Variants in OPTN observed in about 807,000 individuals in gnomAD.
OPTN encodes the protein E3-14.7K-interacting protein.
Under a neutral mutation model 70.4 loss-of-function variants are expected in OPTN, and 54 were observed. That is an observed-to-expected ratio of 0.77 (90% CI 0.62 to 0.96). The LOEUF (loss-of-function observed/expected upper bound fraction) is 0.96. OPTN is among the 40% of genes least tolerant of loss of function. The pLI is 0.00. For missense variants in OPTN, 624 were observed against 673.2 expected (o/e 0.93, Z 0.81); for synonymous variants, 256 against 248.5 (o/e 1.03, Z -0.28).
At chr10:13,103,894 T>G (rs1832804008) in intron 1 of OPTN, among the ~76,000 whole-genome samples, 1 of 152,226 alleles carries the variant, frequency 6.6e-6, no homozygotes, top group Non-Finnish European at 1.5e-5. Context: ...CTCAATTAAT[T>G]CATCCTTCCA....
At chr10:13,123,456 A>G (rs1833395932) in intron 8 of OPTN, among the ~76,000 whole-genome samples, 1 of 152,266 alleles carries the variant, frequency 6.6e-6, no homozygotes, top group Non-Finnish European at 1.5e-5. Context: ...AAAACAGATG[A>G]AGAGACCACC....
chr10:13,114,714 T>TA (rs1404040439), intron 5 of OPTN, among the ~76,000 whole-genome samples: 6 of 136,100 alleles, frequency 4.4e-5, no homozygotes, highest in African/African-American at 1.6e-4. Flanking sequence ...ATATATAATA[T>TA]ATTCTATAAT....
intron 11 of OPTN, among the ~76,000 whole-genome samples, chr10:13,126,679 G>T (rs1167966155): frequency 6.6e-6 from 1 of 152,188 alleles, no homozygotes; most frequent in Non-Finnish European, 1.5e-5. Flanking sequence ...TGCAAGACCA[G>T]CGTGCCTGCT....
chr10:13,129,617 A>C (rs35248101), intron 12 of OPTN, among the ~76,000 whole-genome samples: 2,827 of 152,230 alleles, frequency 0.019, 43 homozygotes, highest in South Asian at 0.043. Flanking sequence ...TACGGGCGTG[A>C]GCCACCGTGC....
intron 1 of OPTN, among the ~76,000 whole-genome samples, chr10:13,106,510 G>A (rs559830739): frequency 6.6e-6 from 1 of 152,280 alleles, no homozygotes; most frequent in East Asian, 1.9e-4. Context: ...TTTCTGCTTC[G>A]TAAGATTGCC....
At chr10:13,112,419 T>C in intron 4 of OPTN, 34 bp from the exon 5 acceptor site, 1 of 1,604,180 alleles carries the variant, frequency 6.2e-7, no homozygotes. Context: ...CTTAGTTTGA[T>C]CTGTTCATTC....
intron 4 of OPTN, among the ~76,000 whole-genome samples, chr10:13,111,844 G>GTTTTTTTTT (rs34942122): frequency 1.1e-5 from 1 of 87,730 alleles, no homozygotes. Context: ...TTTTTTGACT[G>GTTTTTTTTT]TTTTTTTTTT....
At chr10:13,114,804 A>T (rs11258200) in intron 5 of OPTN, among the ~76,000 whole-genome samples, 4 of 73,144 alleles carry the variant, frequency 5.5e-5, no homozygotes, top group Admixed American at 2.1e-4. Context: ...TTATATATAC[A>T]TATATATAAT....
At position 13,137,120 on chromosome 10, in the gene OPTN, A is replaced by G. The variant is rs1833716935; in HGVS notation, c.*254A>G. 2.1e-6 allele frequency: 1 copy of G among 480,090 alleles called. No homozygotes were observed. The highest frequency in any genetic ancestry group is 3.8e-6 in the Non-Finnish European group (1 of 260,026). The allele number at this position is 480,090 out of a possible 1,614,324, so 29.7% of individuals were successfully genotyped here. On this transcript the variant is annotated 3_prime_UTR_variant, in exon 15 of 15. Transcript: ENST00000378747. ...ATGGCGGAACCCTGTCTCTACCAAA[A>G]TTACAAAAATTAGCCGAGCATGGTG...
At chr10:13,107,329 C>T (rs1303801020) in intron 1 of OPTN, among the ~76,000 whole-genome samples, 1 of 148,798 alleles carries the variant, frequency 6.7e-6, no homozygotes, top group African/African-American at 2.5e-5. Flanking sequence ...GAGCCGAGAT[C>T]GCTCCACTGC....
intron 12 of OPTN, among the ~76,000 whole-genome samples, chr10:13,129,046 G>A (rs1443417873): frequency 1.3e-5 from 2 of 152,070 alleles, no homozygotes; most frequent in Non-Finnish European, 2.9e-5. Context: ...CCCAAGGCCA[G>A]GAAGATATTC....
intron 2 of OPTN, among the ~76,000 whole-genome samples, chr10:13,108,694 C>A (rs1003186159): frequency 7.9e-5 from 12 of 152,144 alleles, no homozygotes; most frequent in African/African-American, 2.9e-4. Context: ...CTACAAGCGC[C>A]CAACACCAAG....
chr10:13,116,042 G>A (rs960433576), intron 5 of OPTN, among the ~76,000 whole-genome samples: 6 of 152,040 alleles, frequency 3.9e-5, no homozygotes, highest in Admixed American at 3.9e-4. Flanking sequence ...TGACCTTCAC[G>A]CCTTAGCTGG....
intron 2 of OPTN, among the ~76,000 whole-genome samples, chr10:13,108,628 G>A (rs1832919445): frequency 6.6e-6 from 1 of 150,966 alleles, no homozygotes; most frequent in African/African-American, 2.4e-5. Flanking sequence ...CTCACTGCAA[G>A]CTCTGCCTCC....
Position 13,109,137 on chromosome 10 carries a change from T to C in OPTN, c.15T>C (p.Pro5=). 1 of 1,613,962 alleles carries C rather than the reference T, an allele frequency of 6.2e-7. No individual in the cohort carries two copies. The highest frequency in any genetic ancestry group is 2.2e-5 in the East Asian group (1 of 44,858). MSHQ[P]LSCLTEKEDS... Reference sequence around the variant, plus strand: ...GAACTTCTGCAATGTCCCATCAACCTCTCAGCTGCCTCACTGAAAAGGAGG... The same window carrying C: ...GAACTTCTGCAATGTCCCATCAACCCCTCAGCTGCCTCACTGAAAAGGAGG... Residue 5 remains proline, a synonymous_variant, in exon 3 of 15, where the codon CCT becomes CCC. Coordinates refer to ENST00000378747, the MANE Select transcript of OPTN (RefSeq NM_001008212.2).
intron 5 of OPTN, among the ~76,000 whole-genome samples, chr10:13,114,762 A>ATGTATAAT (rs1554768943): frequency 5.5e-4 from 46 of 83,754 alleles, no homozygotes; most frequent in Non-Finnish European, 7.4e-4. Context: ...ATATAATTGC[A>ATGTATAAT]TATATAATTA....
At chr10:13,109,830 G>A (rs1187871847) in intron 3 of OPTN, among the ~76,000 whole-genome samples, 2 of 52,772 alleles carry the variant, frequency 3.8e-5, no homozygotes, top group African/African-American at 7.3e-5. Flanking sequence ...GAGAGACCCT[G>A]ACTCAAAAAA....
intron 8 of OPTN, 126 bp from the exon 9 acceptor site, chr10:13,123,869 A>G (rs1432924051): frequency 4.2e-6 from 3 of 714,336 alleles, no homozygotes; most frequent in African/African-American, 3.5e-5. Flanking sequence ...GGTATTGTCA[A>G]AGTTGGATTG....
At chr10:13,127,722 T>C (rs1329427528) in intron 11 of OPTN, 23 bp from the exon 12 acceptor site, 2 of 1,612,840 alleles carry the variant, frequency 1.2e-6, no homozygotes, top group Admixed American at 1.7e-5. Flanking sequence ...AAACCATTTC[T>C]AGAATAAATG....
Sources: allele counts gnomAD v4.1 joint callset (sites outside exome capture counted in the v4.1 genomes callset), GRCh38; gene constraint gnomAD v4.1.1; transcripts MANE v1.5; gene names NCBI Gene and HGNC (gene_info 2026-07-23, HGNC 2026-07-21).